Variants in CACNB4 observed in about 807,000 individuals in gnomAD.
CACNB4 encodes voltage-dependent L-type calcium channel subunit beta-4.
In CACNB4, 32 loss-of-function variants were observed where a neutral mutation model predicts 71.2. The observed-to-expected ratio is 0.45, with a 90% CI of 0.34 to 0.60. The LOEUF (loss-of-function observed/expected upper bound fraction) is 0.60. CACNB4 is among the 20% of genes least tolerant of loss of function. The pLI is 0.01. For missense variants in CACNB4, 464 were observed against 647.9 expected, an observed-to-expected ratio of 0.72 and a Z score of 3.08; for synonymous variants, 231 against 236.9, an observed-to-expected ratio of 0.97 and a Z score of 0.23.
At chr2:152,032,778 C>A (rs1211897406) in intron 2 of CACNB4, among the ~76,000 whole-genome samples, 3 of 77,408 alleles carry the variant, frequency 3.9e-5, no homozygotes, top group East Asian at 2.6e-4. Context: ...TATAGTGAGA[C>A]CCCCCATCTC....
intron 12 of CACNB4, among the ~76,000 whole-genome samples, chr2:151,844,897 T>A (rs2099837132): frequency 6.6e-6 from 1 of 152,214 alleles, no homozygotes; most frequent in Non-Finnish European, 1.5e-5. Flanking sequence ...ATTACATGGG[T>A]CTCATTCTAT....
In CACNB4 at chr2:151,871,125, G is replaced by T. The variant is rs1559901530; in HGVS notation, c.599-264C>A. On this transcript the variant is annotated intron_variant, in intron 6 of 13. Transcript: ENST00000539935. ...TGGGTGGGAATTGGGTACAGGAGTT[G>T]AGAGCAACACTGGAAGTTCCGGGCC... The T allele has an allele frequency of 1.0e-5, 5 of 498,562 alleles. No individual in the cohort carries two copies. In the East Asian group the frequency reaches 1.3e-4, roughly 13 times the overall value. 30.9% of individuals were successfully genotyped at this position (498,562 alleles called of 1,614,324 possible). A position where few individuals can be genotyped will look rare whatever the true frequency, so the allele number is the denominator to read the frequency against.
chr2:151,899,194 C>T (rs1239721159), intron 2 of CACNB4, among the ~76,000 whole-genome samples: 9 of 152,246 alleles, frequency 5.9e-5, no homozygotes, highest in African/African-American at 9.6e-5. Context: ...ACAAGAGAGA[C>T]GAGTTCAAGA....
intron 2 of CACNB4, among the ~76,000 whole-genome samples, chr2:151,944,885 A>C (rs2099865190): frequency 6.6e-6 from 1 of 152,206 alleles, no homozygotes; most frequent in African/African-American, 2.4e-5. Flanking sequence ...GAAGTCAAAA[A>C]TGAGGCTGTA....
chr2:151,855,042 T>C, intron 11 of CACNB4, 182 bp downstream of exon 11: 1 of 414,610 alleles, frequency 2.4e-6, no homozygotes, highest in Non-Finnish European at 4.3e-6. Flanking sequence ...TTAGAAGAAA[T>C]GAACTATTAT....
chr2:152,092,871 C>G (rs1043234818), intron 2 of CACNB4, among the ~76,000 whole-genome samples: 1 of 151,466 alleles, frequency 6.6e-6, no homozygotes, highest in Admixed American at 6.6e-5. Flanking sequence ...TACATATATA[C>G]CTAAGATGAA....
chr2:151,908,621 T>C (rs988370655), intron 2 of CACNB4, among the ~76,000 whole-genome samples: 1 of 152,164 alleles, frequency 6.6e-6, no homozygotes, highest in Non-Finnish European at 1.5e-5. Context: ...AACTCATCTG[T>C]AGATAAAAAG....
At chr2:152,070,605 A>G (rs960956494) in intron 2 of CACNB4, among the ~76,000 whole-genome samples, 45 of 152,194 alleles carry the variant, frequency 3.0e-4, no homozygotes, top group African/African-American at 1.1e-3. Context: ...ATGCACTATT[A>G]CTATGCTGTT....
chr2:152,007,593 C>G (rs1579115769), intron 2 of CACNB4, among the ~76,000 whole-genome samples: 1 of 152,146 alleles, frequency 6.6e-6, no homozygotes, highest in East Asian at 1.9e-4. Flanking sequence ...GTATGTGTAT[C>G]CTACATTTTC....
chr2:151,882,181 C>CTTTT (rs35206904), intron 3 of CACNB4, among the ~76,000 whole-genome samples: 6 of 50,830 alleles, frequency 1.2e-4, no homozygotes, highest in South Asian at 1.4e-3. Context: ...ACCGGCCCCT[C>CTTTT]TTTTTTTTTT....
intron 2 of CACNB4, among the ~76,000 whole-genome samples, chr2:151,949,335 C>G (rs976053555): frequency 6.6e-6 from 1 of 152,064 alleles, no homozygotes; most frequent in African/African-American, 2.4e-5. Flanking sequence ...GTAAGCATCC[C>G]TGCCCTTACG....
chr2:151,900,682 C>T (rs1240422182), intron 2 of CACNB4, among the ~76,000 whole-genome samples: 3 of 152,006 alleles, frequency 2.0e-5, no homozygotes, highest in African/African-American at 7.3e-5. Flanking sequence ...AGTTTCAGAT[C>T]GAAAAGGATG....
intron 2 of CACNB4, among the ~76,000 whole-genome samples, chr2:151,931,670 C>G (rs10497087): frequency 2.0e-5 from 3 of 152,204 alleles, no homozygotes; most frequent in African/African-American, 7.2e-5. Flanking sequence ...TTTCATCACT[C>G]TAGGAAATCC....
At chr2:152,097,522 C>A (rs1688339589) in intron 2 of CACNB4, among the ~76,000 whole-genome samples, 1 of 152,144 alleles carries the variant, frequency 6.6e-6, no homozygotes. Flanking sequence ...TCTCTAGCAC[C>A]CAGCAGCCAG....
At chr2:152,000,992 T>C (rs1222896938) in intron 2 of CACNB4, among the ~76,000 whole-genome samples, 3 of 152,218 alleles carry the variant, frequency 2.0e-5, no homozygotes, top group Non-Finnish European at 4.4e-5. Flanking sequence ...GTATGGCTTT[T>C]ATCATGCCTA....
intron 2 of CACNB4, among the ~76,000 whole-genome samples, chr2:152,091,493 G>C (rs1405663027): frequency 1.3e-5 from 2 of 152,034 alleles, no homozygotes; most frequent in African/African-American, 4.8e-5. Context: ...AAATTAGCCA[G>C]ATGCGGTGGC....
chr2:152,034,875 A>G (rs1023457827), intron 2 of CACNB4, among the ~76,000 whole-genome samples: 2 of 152,164 alleles, frequency 1.3e-5, no homozygotes, highest in Non-Finnish European at 2.9e-5. Context: ...TCAACTTTCT[A>G]TTCTCAGTGG....
At chr2:151,895,102 A>C (rs776180229) in intron 2 of CACNB4, among the ~76,000 whole-genome samples, 2,677 of 14,996 alleles carry the variant, frequency 0.18, 67 homozygotes, top group East Asian at 0.37. Context: ...AGCCCCACAC[A>C]CACACACACA....
chr2:151,885,662 C>T (rs2099849180), intron 2 of CACNB4, among the ~76,000 whole-genome samples: 1 of 152,188 alleles, frequency 6.6e-6, no homozygotes, highest in Non-Finnish European at 1.5e-5. Context: ...GTACTATAAA[C>T]CTGATAACCG....
Sources: allele counts gnomAD v4.1 joint callset (sites outside exome capture counted in the v4.1 genomes callset), GRCh38; gene constraint gnomAD v4.1.1; transcripts MANE v1.5; gene names NCBI Gene and HGNC (gene_info 2026-07-23, HGNC 2026-07-21).